The following DOCK9 variants were observed in gnomAD, a reference collection of about 807,000 sequenced individuals.
DOCK9 encodes the protein dedicator of cytokinesis protein 9.
A neutral mutation model predicts 263.3 loss-of-function variants in DOCK9; 89 were observed. That is an observed-to-expected ratio of 0.34 (90% CI 0.28 to 0.40). DOCK9 has a LOEUF of 0.40. Ranked by LOEUF, DOCK9 falls within the 10% of genes least tolerant of loss-of-function variation. DOCK9 has a pLI of 1.00. For missense variants in DOCK9, 2,140 were observed against 2,603.4 expected, an observed-to-expected ratio of 0.82 and a Z score of 3.87; for synonymous variants, 976 against 973.1, an observed-to-expected ratio of 1.00 and a Z score of -0.06.
chr13:98,948,300 G>A (rs1315533240), intron 2 of DOCK9, among the ~76,000 whole-genome samples: 1 of 152,202 alleles, frequency 6.6e-6, no homozygotes, highest in Admixed American at 6.5e-5. Flanking sequence ...TTTCCAAAAA[G>A]TAAAATTTCT....
intron 49 of DOCK9, among the ~76,000 whole-genome samples, chr13:98,801,580 T>G (rs1050252403): frequency 2.9e-4 from 44 of 152,080 alleles, no homozygotes; most frequent in African/African-American, 1.0e-3. Context: ...AAACAGCAGG[T>G]TCTCATTTAC....
chr13:98,923,349 G>T lies in DOCK9; in HGVS notation c.439C>A (p.Leu147Ile), dbSNP rs1411928845. The T allele has an allele frequency of 6.2e-7, 1 of 1,613,762 alleles. No homozygotes were observed. The highest frequency in any genetic ancestry group is 1.3e-5 in the African/African-American group (1 of 74,922). The change falls in exon 5 of 53, where the codon CTT becomes ATT. Residue 147 changes from leucine (L) to isoleucine (I), a missense_variant. Leu to Ile is a conservative substitution (Grantham distance 5). Coordinates refer to ENST00000682017, the MANE Select transcript of DOCK9 (RefSeq NM_001366683.2). ...LPNKVVKLDK[L>I]PVHVYEVDEE... ...TCAACTTCATAGACATGAACTGGAAGTTTATCCAACTTGACCACTTTGCTA... is the reference window on the plus strand; with the variant it reads ...TCAACTTCATAGACATGAACTGGAATTTTATCCAACTTGACCACTTTGCTA...
chr13:98,969,922 G>C (rs1195479175), intron 1 of DOCK9, among the ~76,000 whole-genome samples: 1 of 152,188 alleles, frequency 6.6e-6, no homozygotes, highest in Non-Finnish European at 1.5e-5. Flanking sequence ...GCTATGCTTT[G>C]CGTTCTCTGC....
At chr13:98,999,759 C>T (rs1379441726) in intron 1 of DOCK9, among the ~76,000 whole-genome samples, 1 of 152,194 alleles carries the variant, frequency 6.6e-6, no homozygotes, top group Non-Finnish European at 1.5e-5. Flanking sequence ...TGCATCTGCA[C>T]AAACTATCAG....
chr13:98,951,604 C>A (rs74407386), intron 2 of DOCK9, among the ~76,000 whole-genome samples: 1 of 152,110 alleles, frequency 6.6e-6, no homozygotes, highest in Non-Finnish European at 1.5e-5. Flanking sequence ...TTTATGTGCA[C>A]GGTGCAGACA....
At position 98,939,896 on chromosome 13, in the gene DOCK9, T is replaced by C. The variant is rs369846851; in HGVS notation, c.244-9639A>G. Among the ~76,000 whole-genome samples the C allele has an allele frequency of 1.4e-3, 215 of 152,394 alleles. 6 individuals carry two copies. In the South Asian group the frequency reaches 0.042, roughly 30 times the overall value. ...AACTGCATGGTGCCTCACGTCTCTG[T>C]AGAATTATGTCCCTTTGATATCTGC... On this transcript the variant is annotated intron_variant, in intron 2 of 52. Transcript: ENST00000682017.
At chr13:99,029,966 G>C (rs1211181089) in intron 1 of DOCK9, among the ~76,000 whole-genome samples, 1 of 152,164 alleles carries the variant, frequency 6.6e-6, no homozygotes, top group Non-Finnish European at 1.5e-5. Flanking sequence ...CAATAAAAAG[G>C]AATGAAGTAC....
At chr13:98,850,755 A>AT (rs1349038980) in intron 35 of DOCK9, among the ~76,000 whole-genome samples, 3 of 152,216 alleles carry the variant, frequency 2.0e-5, no homozygotes, top group Non-Finnish European at 2.9e-5. Context: ...TACCTACAGG[A>AT]TAAGTTCTCT....
chr13:98,989,341 A>G (rs952979491), intron 1 of DOCK9, among the ~76,000 whole-genome samples: 1 of 127,114 alleles, frequency 7.9e-6, no homozygotes, highest in Non-Finnish European at 1.7e-5. Context: ...GATGATGATG[A>G]TGATGATAAT....
At chr13:99,023,044 A>G (rs1886306348) in intron 1 of DOCK9, among the ~76,000 whole-genome samples, 2 of 152,218 alleles carry the variant, frequency 1.3e-5, no homozygotes, top group African/African-American at 4.8e-5. Context: ...CTGTTATGGA[A>G]AGCAGTTTGG....
At chr13:98,824,257 G>T in intron 45 of DOCK9, 141 bp downstream of exon 45, 1 of 674,412 alleles carries the variant, frequency 1.5e-6, no homozygotes, top group Non-Finnish European at 2.6e-6. Flanking sequence ...TCAGTTGTCT[G>T]GAGAATCATC....
At chr13:98,968,172 A>T (rs753050469) in intron 1 of DOCK9, among the ~76,000 whole-genome samples, 4 of 152,236 alleles carry the variant, frequency 2.6e-5, no homozygotes, top group Non-Finnish European at 5.9e-5. Flanking sequence ...ACAGACACCA[A>T]ATGTCAATGA....
At chr13:98,987,611 C>G (rs1317034169) in intron 1 of DOCK9, among the ~76,000 whole-genome samples, 1 of 152,226 alleles carries the variant, frequency 6.6e-6, no homozygotes, top group African/African-American at 2.4e-5. Flanking sequence ...GAAGTCAATA[C>G]TTTTTTATTA....
chr13:99,059,531 T>TC (rs2041087126), intron 1 of DOCK9, among the ~76,000 whole-genome samples: 1 of 152,140 alleles, frequency 6.6e-6, no homozygotes, highest in African/African-American at 2.4e-5. Context: ...AACAGTCCCT[T>TC]CCAAGCCAAC....
chr13:98,979,775 C>T (rs1876672763), upstream of DOCK9, among the ~76,000 whole-genome samples: 1 of 152,082 alleles, frequency 6.6e-6, no homozygotes, highest in African/African-American at 2.4e-5. Context: ...TAAGAAAAAA[C>T]TCTCACTTAC....
intron 1 of DOCK9, among the ~76,000 whole-genome samples, chr13:98,972,110 C>A (rs1316837010): frequency 3.9e-5 from 6 of 152,198 alleles, no homozygotes; most frequent in Admixed American, 3.9e-4. Context: ...GGCTCTGCCA[C>A]TTATTGAATG....
At chr13:98,944,492 CCTAA>C (rs1230639259) in intron 2 of DOCK9, among the ~76,000 whole-genome samples, 3 of 151,914 alleles carry the variant, frequency 2.0e-5, no homozygotes, top group Non-Finnish European at 2.9e-5. Context: ...GATCTTGTAC[CCTAA>C]CTGTTTCAGC....
rs2052144866 is a variant in DOCK9, at chr13:98,922,207, G to T, written c.487-61C>A. On this transcript the variant is annotated intron_variant, in intron 5 of 52. Transcript: ENST00000682017. ...CGTTATTACCTGGGTTGCTTGCTGT[G>T]AGTTTGGTCAATGGGAAGGTCATTC... The T allele has an allele frequency of 1.7e-5, 23 of 1,322,450 alleles. No individual in the cohort carries two copies. The East Asian group carries it at 5.6e-4, about 32-fold the overall frequency. The allele number at this position is 1,322,450 out of a possible 1,614,324, so 81.9% of individuals were successfully genotyped here.
At chr13:98,826,748 T>G (rs939953916) in intron 44 of DOCK9, 82 bp downstream of exon 44, 3 of 1,129,152 alleles carry the variant, frequency 2.7e-6, no homozygotes, top group African/African-American at 3.1e-5. Context: ...CCTTCCAATC[T>G]TCCTGAATGG....
Sources: gnomAD v4.1 joint callset for allele counts (sites outside exome capture counted in the v4.1 genomes callset) on GRCh38, gnomAD v4.1.1 for gene constraint, MANE v1.5 for transcripts, NCBI Gene and HGNC (gene_info 2026-07-23, HGNC 2026-07-21) for gene names.